Variants in GRM8 observed in about 807,000 individuals in gnomAD.
GRM8 encodes the protein glutamate metabotropic receptor 8.
GRM8 carries 47 observed loss-of-function variants against 87.2 expected under a neutral mutation model. The ratio of observed to expected loss-of-function variants is 0.54; its 90% CI spans 0.43 to 0.69. The LOEUF is 0.69. GRM8 is among the 30% of genes least tolerant of loss of function. GRM8 has a pLI of 0.00. For synonymous variants in GRM8, 396 were observed against 404.5 expected (o/e 0.98, Z 0.25); for missense variants, 1,019 against 1,139.2 (o/e 0.89, Z 1.52).
At chr7:126,977,295 T>C (rs1254301135) in intron 3 of GRM8, among the ~76,000 whole-genome samples, 2 of 152,254 alleles carry the variant, frequency 1.3e-5, no homozygotes, top group African/African-American at 4.8e-5. Flanking sequence ...GTGGATTTCA[T>C]TTGATATGGC....
intron 6 of GRM8, among the ~76,000 whole-genome samples, chr7:126,780,725 C>T (rs1819979353): frequency 6.6e-6 from 1 of 152,088 alleles, no homozygotes; most frequent in African/African-American, 2.4e-5. Context: ...ACAGGTGAGG[C>T]CTGACGGGGG....
At chr7:127,018,611 A>G (rs1180807035) in intron 3 of GRM8, among the ~76,000 whole-genome samples, 3 of 151,886 alleles carry the variant, frequency 2.0e-5, no homozygotes, top group Non-Finnish European at 4.4e-5. Context: ...ACAAATTACT[A>G]ATTTTGCCGG....
In GRM8 at chr7:126,931,569, A is replaced by C. The variant is rs146972284; in HGVS notation, c.728-26886T>G. The stretch of plus-strand genomic sequence containing the variant: ...AAACATTACTTCAAATAGAAGTCAA[A>C]TTCATGTTTTGGAAAATACTAGTAT... On this transcript the variant is annotated intron_variant, in intron 3 of 10. Coordinates refer to ENST00000339582, the MANE Select transcript of GRM8 (RefSeq NM_000845.3). Among the ~76,000 whole-genome samples, 13 of 152,366 alleles carry C rather than the reference A, an allele frequency of 8.5e-5. No homozygotes were observed. The East Asian group carries it at 2.3e-3, about 27-fold the overall frequency.
intron 9 of GRM8, among the ~76,000 whole-genome samples, chr7:126,487,439 T>C (rs1237972217): frequency 1.3e-5 from 2 of 151,932 alleles, no homozygotes; most frequent in African/African-American, 4.8e-5. Context: ...GGAAGTAATA[T>C]TTTAATAACT....
intron 3 of GRM8, among the ~76,000 whole-genome samples, chr7:126,974,574 G>A (rs1335045174): frequency 1.3e-5 from 2 of 152,080 alleles, no homozygotes; most frequent in African/African-American, 4.8e-5. Context: ...ATGAAATAAG[G>A]TAGCTGGAGA....
intron 2 of GRM8, among the ~76,000 whole-genome samples, chr7:127,220,643 T>A (rs542021567): frequency 2.0e-5 from 3 of 151,946 alleles, no homozygotes; most frequent in African/African-American, 7.2e-5. Context: ...TGCCACCATG[T>A]CCAGCTAATT....
intron 6 of GRM8, among the ~76,000 whole-genome samples, chr7:126,818,909 G>A (rs1443933191): frequency 6.6e-6 from 1 of 152,080 alleles, no homozygotes; most frequent in Non-Finnish European, 1.5e-5. Flanking sequence ...GGTATACCTT[G>A]GAATATCAAT....
chr7:126,597,449 T>G (rs539022458), intron 8 of GRM8, among the ~76,000 whole-genome samples: 1 of 152,174 alleles, frequency 6.6e-6, no homozygotes, highest in Non-Finnish European at 1.5e-5. Flanking sequence ...AGGATTCACA[T>G]GTAAATCTAC....
intron 8 of GRM8, among the ~76,000 whole-genome samples, chr7:126,548,617 AG>A (rs1414755531): frequency 6.6e-6 from 1 of 152,170 alleles, no homozygotes; most frequent in East Asian, 1.9e-4. Context: ...ATGATAGGAG[AG>A]GAAGTGTAAA....
At chr7:126,603,517 T>G (rs1168791920) in intron 8 of GRM8, among the ~76,000 whole-genome samples, 1 of 151,766 alleles carries the variant, frequency 6.6e-6, no homozygotes, top group Non-Finnish European at 1.5e-5. Flanking sequence ...CTCCTTAAGC[T>G]GATAAGCAAC....
chr7:127,158,032 A>C (rs1792850348), intron 2 of GRM8, among the ~76,000 whole-genome samples: 2 of 152,208 alleles, frequency 1.3e-5, no homozygotes, highest in African/African-American at 4.8e-5. Context: ...GATCTAATTA[A>C]AACAAACAAC....
At chr7:126,946,327 C>A (rs1049007802) in intron 3 of GRM8, among the ~76,000 whole-genome samples, 1 of 149,166 alleles carries the variant, frequency 6.7e-6, no homozygotes, top group African/African-American at 2.6e-5. Context: ...CATAGTGAGA[C>A]CCCCCCATCT....
At chr7:126,522,484 T>G (rs1813131341) in intron 9 of GRM8, among the ~76,000 whole-genome samples, 1 of 152,184 alleles carries the variant, frequency 6.6e-6, no homozygotes. Context: ...GACTCCCAAT[T>G]ATCTGACTAT....
At chr7:127,008,508 AAAG>A (rs1814545419) in intron 3 of GRM8, among the ~76,000 whole-genome samples, 3 of 152,202 alleles carry the variant, frequency 2.0e-5, no homozygotes, top group East Asian at 3.9e-4. Context: ...GCATTTGTGA[AAAG>A]TATGTGCTGT....
rs564297400 is a variant in GRM8 at position 127,141,210 on chromosome 7, C to G, written c.511-34498G>C. Among the ~76,000 whole-genome samples, 111 of 152,154 alleles carry G rather than the reference C, an allele frequency of 7.3e-4. 1 individual carries two copies. Among genetic ancestry groups the G allele is most frequent in the Admixed American group, 5.8e-3 (88 of 15,294 alleles). ...CGGCTCTCATCCTTAGCCTGCTGGT[C>G]TCTTTCTTTAAACCTAACCCCTCCC... On this transcript the variant is annotated intron_variant, in intron 2 of 10. Coordinates refer to ENST00000339582, the MANE Select transcript of GRM8 (RefSeq NM_000845.3).
chr7:127,239,112 G>A (rs1798145205), intron 2 of GRM8, among the ~76,000 whole-genome samples: 1 of 152,200 alleles, frequency 6.6e-6, no homozygotes, highest in Non-Finnish European at 1.5e-5. Flanking sequence ...GGTAAATGGG[G>A]CTGCATGGAA....
chr7:126,963,427 C>T (rs936338383), intron 3 of GRM8, among the ~76,000 whole-genome samples: 4 of 152,092 alleles, frequency 2.6e-5, no homozygotes, highest in African/African-American at 9.7e-5. Context: ...TAGAAAACCC[C>T]TTCGTCTCAG....
At chr7:126,700,463 A>T (rs966067326) in intron 7 of GRM8, among the ~76,000 whole-genome samples, 5 of 152,134 alleles carry the variant, frequency 3.3e-5, no homozygotes, top group African/African-American at 4.8e-5. Context: ...ATTTCCTAGA[A>T]CTTTCTCATT....
chr7:126,865,460 CA>C (rs1798507119), intron 6 of GRM8, among the ~76,000 whole-genome samples: 1 of 152,152 alleles, frequency 6.6e-6, no homozygotes, highest in Non-Finnish European at 1.5e-5. Context: ...TTAAAATGAA[CA>C]ATTCAATGGC....
Sources: allele counts gnomAD v4.1 joint callset (sites outside exome capture counted in the v4.1 genomes callset), GRCh38; gene constraint gnomAD v4.1.1; transcripts MANE v1.5; gene names NCBI Gene and HGNC (gene_info 2026-07-23, HGNC 2026-07-21).